PITPNA: variants seen among roughly 807,000 people sequenced by gnomAD.
PITPNA encodes the protein phosphatidylinositol transfer protein alpha isoform.
A neutral mutation model predicts 50.3 loss-of-function variants in PITPNA; 13 were observed. That is an observed-to-expected ratio of 0.26 (90% confidence interval 0.17 to 0.41). The LOEUF (loss-of-function observed/expected upper bound fraction) is 0.41. PITPNA is among the 10% of genes least tolerant of loss of function. The pLI is 1.00. For missense variants in PITPNA, 207 were observed against 333.4 expected (o/e 0.62, Z 2.95); for synonymous variants, 120 against 119.6 (o/e 1.00, Z -0.02).
In PITPNA at chr17:1,518,089, C is replaced by G. The variant is rs2075478286; in HGVS notation, c.*2472G>C. The G allele has an allele frequency of 6.6e-6, 1 of 152,616 alleles. No homozygotes were observed. Among genetic ancestry groups the G allele is most frequent in the South Asian group, 2.1e-4 (1 of 4,824 alleles). The allele number at this position is 152,616 out of a possible 1,614,324, so 9.5% of individuals were successfully genotyped here. On this transcript the variant is annotated 3_prime_UTR_variant, in exon 12 of 12. Transcript: ENST00000313486. ...ACTCACATTAAATAAACAAGGTAAT[C>G]TAATCAATTCTACAAAGTGTAGTTT...
chr17:1,522,629 T>G (rs1427595733), intron 10 of PITPNA, among the ~76,000 whole-genome samples: 7 of 152,088 alleles, frequency 4.6e-5, no homozygotes, highest in Non-Finnish European at 1.0e-4. Context: ...TGCCTTGGCC[T>G]CCTGAAGTGC....
chr17:1,530,715 A>T (rs2075576469), intron 10 of PITPNA, among the ~76,000 whole-genome samples: 1 of 152,104 alleles, frequency 6.6e-6, no homozygotes, highest in Admixed American at 6.5e-5. Context: ...GAATTTAAAA[A>T]GATAAAAACT....
At chr17:1,533,177 A>C (rs2075594622) in intron 10 of PITPNA, among the ~76,000 whole-genome samples, 1 of 152,254 alleles carries the variant, frequency 6.6e-6, no homozygotes, top group Admixed American at 6.5e-5. Context: ...TTCTTATGAA[A>C]CAGAGCTTCC....
chr17:1,560,168 C>T (rs372967174), intron 1 of PITPNA, among the ~76,000 whole-genome samples: 4 of 152,168 alleles, frequency 2.6e-5, no homozygotes, highest in Admixed American at 6.6e-5. Context: ...CAATTCCTGA[C>T]GGGATGCGCT....
At chr17:1,540,818 C>G (rs894809096) in intron 6 of PITPNA, among the ~76,000 whole-genome samples, 1 of 152,192 alleles carries the variant, frequency 6.6e-6, no homozygotes, top group Non-Finnish European at 1.5e-5. Flanking sequence ...ATCTCCTGAC[C>G]TCGTGATCCG....
chr17:1,553,120 A>T lies in PITPNA; in HGVS notation c.81T>A (p.Ala27=), dbSNP rs765755187. The change falls in exon 3 of 12, where the codon GCT becomes GCA. Residue 27 remains alanine (A), a synonymous_variant. Coordinates refer to ENST00000313486, the MANE Select transcript of PITPNA (RefSeq NM_006224.4). ...CACCCGTTTCATTTTTACTGGCCTC[A>T]GCCACAGAATACAGCTGCCCCACTT... ...EYQVGQLYSV[A]EASKNETGGG... The T allele has an allele frequency of 6.2e-7, 1 of 1,613,956 alleles. No homozygotes were observed. Among genetic ancestry groups the T allele is most frequent in the Admixed American group, 1.7e-5 (1 of 60,022 alleles).
At chr17:1,540,437 C>T (rs981720916) in intron 6 of PITPNA, among the ~76,000 whole-genome samples, 2 of 152,116 alleles carry the variant, frequency 1.3e-5, no homozygotes, top group African/African-American at 4.8e-5. Flanking sequence ...ATATGAAGGG[C>T]GGCATGCACA....
intron 6 of PITPNA, 143 bp downstream of exon 6, chr17:1,541,423 G>A (rs2075647300): frequency 3.0e-6 from 2 of 659,758 alleles, no homozygotes; most frequent in South Asian, 3.5e-5. Context: ...ATCCCATGCT[G>A]GTAAGATAGG....
chr17:1,533,282 A>G (rs8066973), intron 10 of PITPNA, among the ~76,000 whole-genome samples: 30,757 of 152,116 alleles, frequency 0.2, 3,341 homozygotes, highest in African/African-American at 0.26. Flanking sequence ...CTGTGGTTCC[A>G]GGGCCAGAGA....
At chr17:1,526,968 G>A (rs1352674614) in intron 10 of PITPNA, among the ~76,000 whole-genome samples, 1 of 152,094 alleles carries the variant, frequency 6.6e-6, no homozygotes. Context: ...ATCTTGGCCA[G>A]GCTGGTCTCG....
chr17:1,518,375 T>C lies in PITPNA; in HGVS notation c.*2186A>G, dbSNP rs184727954. The C allele has an allele frequency of 9.2e-5, 14 of 152,712 alleles. No individual in the cohort carries two copies. Among genetic ancestry groups the C allele is most frequent in the African/African-American group, 3.1e-4 (13 of 41,542 alleles). 9.5% of individuals were successfully genotyped at this position (152,712 alleles called of 1,614,324 possible). On this transcript the variant is annotated 3_prime_UTR_variant, in exon 12 of 12. Coordinates refer to ENST00000313486, the MANE Select transcript of PITPNA (RefSeq NM_006224.4). ...AGGTACTACCCCTGGAGCTGAACCT[T>C]TATCATAAGTCCCTCTGAGTGCTAG...
chr17:1,523,505 C>CTTT (rs11401118), intron 10 of PITPNA, among the ~76,000 whole-genome samples: 2,166 of 117,364 alleles, frequency 0.018, 126 homozygotes, highest in African/African-American at 0.065. Context: ...CCACGCCTGG[C>CTTT]TTTTTTTTTT....
At chr17:1,535,329 A>C in intron 8 of PITPNA, 37 bp from the exon 9 acceptor site, 1 of 1,545,422 alleles carries the variant, frequency 6.5e-7, no homozygotes, top group Non-Finnish European at 8.9e-7. Context: ...CGCAAGTAAC[A>C]ACGGGCAGAC....
At chr17:1,526,768 TTTTG>T (rs948850136) in intron 10 of PITPNA, among the ~76,000 whole-genome samples, 3 of 152,168 alleles carry the variant, frequency 2.0e-5, no homozygotes, top group African/African-American at 4.8e-5. Context: ...TTCAATCTTT[TTTTG>T]TTTGTTTTTT....
chr17:1,535,715 C>T (rs911322855), intron 7 of PITPNA, 197 bp from the exon 8 acceptor site: 5 of 591,034 alleles, frequency 8.5e-6, no homozygotes, highest in Non-Finnish European at 1.2e-5. Context: ...TGATTTTCTC[C>T]GATAGGGTTT....
chr17:1,532,363 A>C (rs534172185), intron 10 of PITPNA, among the ~76,000 whole-genome samples: 112 of 152,304 alleles, frequency 7.4e-4, no homozygotes, highest in Non-Finnish European at 1.3e-3. Flanking sequence ...CTGGGATTAC[A>C]GGTGTGAGCC....
Position 1,562,427 on chromosome 17 carries a change from C to A in PITPNA, c.20+114G>T. 1 of 863,778 alleles carries A rather than the reference C, an allele frequency of 1.2e-6. No individual in the cohort carries two copies. Among genetic ancestry groups the A allele is most frequent in the Non-Finnish European group, 1.6e-6 (1 of 615,276 alleles). The allele number at this position is 863,778 out of a possible 1,614,324, so 53.5% of individuals were successfully genotyped here. Reference sequence around the variant, plus strand: ...CGCTGGGCCCGCCTCAGGCACCCTCCGTCCCTGCTGCCCCTCCGTCCATCC... The same window carrying A: ...CGCTGGGCCCGCCTCAGGCACCCTCAGTCCCTGCTGCCCCTCCGTCCATCC... On this transcript the variant is annotated intron_variant, in intron 1 of 11. Coordinates refer to ENST00000313486, the MANE Select transcript of PITPNA (RefSeq NM_006224.4). The surrounding 1 kb of genome is among the most constrained non-coding windows in gnomAD (Gnocchi z 6.4).
chr17:1,525,760 C>T (rs952043653), intron 10 of PITPNA, among the ~76,000 whole-genome samples: 4 of 152,162 alleles, frequency 2.6e-5, no homozygotes, highest in East Asian at 1.9e-4. Flanking sequence ...TCAGGTGATC[C>T]GCCTGCCTTG....
chr17:1,559,228 C>T (rs993624626), intron 1 of PITPNA, among the ~76,000 whole-genome samples: 1 of 152,202 alleles, frequency 6.6e-6, no homozygotes, highest in Non-Finnish European at 1.5e-5. Context: ...AGAGGGCATT[C>T]AACTTATGTC....
Sources: allele counts gnomAD v4.1 joint callset (sites outside exome capture counted in the v4.1 genomes callset), GRCh38; gene constraint gnomAD v4.1.1; non-coding constraint Gnocchi (gnomAD v3.1); transcripts MANE v1.5; gene names NCBI Gene and HGNC (gene_info 2026-07-23, HGNC 2026-07-21).